Variants in CR1L observed in about 807,000 individuals in gnomAD.
CR1L encodes the protein complement C3b/C4b receptor 1 like.
CR1L carries 59 observed loss-of-function variants against 62.3 expected under a neutral mutation model. The observed-to-expected ratio is 0.95, with a 90% CI of 0.77 to 1.18. The LOEUF is 1.18. Among genes scored for constraint, CR1L ranks in the 50% most tolerant of loss-of-function variants. The probability of loss-of-function intolerance (pLI) is 0.00; values close to 1 mark genes in which losing one functional copy is unlikely to be tolerated. For synonymous variants in CR1L, 279 were observed against 248.7 expected, an observed-to-expected ratio of 1.12 and a Z score of -1.15; for missense variants, 700 against 702.8, an observed-to-expected ratio of 1.00 and a Z score of 0.04.
rs1391067647 is a variant in CR1L at position 207,694,466 on chromosome 1, G to C, written c.577G>C (p.Gly193Arg). Reference sequence around the variant, plus strand: ...CTACCACTGCAATCTTGGAAGCAGAGGGAAAAAGGTGTTTGAGCTTGTGGG... The same window carrying C: ...CTACCACTGCAATCTTGGAAGCAGACGGAAAAAGGTGTTTGAGCTTGTGGG... Reference protein sequence around the residue: ...VTYHCNLGSRGKKVFELVGEP... With the variant: ...VTYHCNLGSRRKKVFELVGEP... The change falls in exon 5 of 12, where the codon GGG (glycine) becomes CGG (arginine). Residue 193 changes from glycine to arginine, a missense_variant. By Grantham distance (125) the Gly-to-Arg change is moderately radical. Transcript: ENST00000508064. 3 of 1,613,902 alleles carry C rather than the reference G, an allele frequency of 1.9e-6. No individual in the cohort carries two copies. The highest frequency in any genetic ancestry group is 2.5e-6 in the Non-Finnish European group (3 of 1,179,814).
chr1:207,681,644 G>A (rs1306538284), intron 3 of CR1L, among the ~76,000 whole-genome samples: 2 of 152,010 alleles, frequency 1.3e-5, no homozygotes, highest in Non-Finnish European at 2.9e-5. Context: ...ATAGTATGGA[G>A]GAAAAAAAAT....
In CR1L at chr1:207,710,549, G is replaced by A. The variant is rs1222931091; in HGVS notation, c.1414+2286G>A. 4 of 1,609,500 alleles carry A rather than the reference G, an allele frequency of 2.5e-6. No homozygotes were observed. In the African/African-American group the frequency reaches 5.3e-5, roughly 22 times the overall value. On this transcript the variant is annotated intron_variant, in intron 10 of 11. Transcript: ENST00000508064. ...GCCCTCCATATACTGCACCAGCAAAGATGATCAAGTGGTCGTCTGGAGCGG... is the reference window on the plus strand; with the variant it reads ...GCCCTCCATATACTGCACCAGCAAAAATGATCAAGTGGTCGTCTGGAGCGG...
At chr1:207,713,897 C>T (rs963893083) in intron 10 of CR1L, among the ~76,000 whole-genome samples, 1 of 152,244 alleles carries the variant, frequency 6.6e-6, no homozygotes, top group African/African-American at 2.4e-5. Context: ...GCTGACTTGG[C>T]CTGCATCTCC....
intron 4 of CR1L, among the ~76,000 whole-genome samples, chr1:207,688,730 G>T (rs1321420239): frequency 6.6e-6 from 1 of 151,820 alleles, no homozygotes; most frequent in African/African-American, 2.4e-5. Context: ...TCCCATTTTT[G>T]AAGTCTTCTT....
chr1:207,674,039 C>T (rs1663652772), intron 1 of CR1L, among the ~76,000 whole-genome samples: 1 of 152,140 alleles, frequency 6.6e-6, no homozygotes, highest in Non-Finnish European at 1.5e-5. Flanking sequence ...TCTAATTATG[C>T]TGTGTGAAGG....
Position 207,677,422 on chromosome 1 carries a change from C to T in CR1L, c.131C>T (p.Ala44Val). The T allele has an allele frequency of 6.2e-7, 1 of 1,612,940 alleles. No individual in the cohort carries two copies. Among genetic ancestry groups the T allele is most frequent in the Non-Finnish European group, 8.5e-7 (1 of 1,179,546 alleles). The change falls in exon 2 of 12, where the codon GCC (alanine) becomes GTC (valine). Residue 44 changes from alanine (A) to valine (V), a missense_variant. By Grantham distance (64) the Ala-to-Val change is moderately conservative. Transcript: ENST00000508064. ...AATGTCCCGGAATGGCTTCCATTTGCCAGGCCTACCAACCTAACTGATGAC... is the reference window on the plus strand; with the variant it reads ...AATGTCCCGGAATGGCTTCCATTTGTCAGGCCTACCAACCTAACTGATGAC... ...QCNVPEWLPF[A>V]RPTNLTDDFE...
rs773831087 is a variant in CR1L, at chr1:207,697,673, T to C, written c.1033T>C (p.Cys345Arg). ...QGDWSPAAPR[C>R]EVKSCDDFLG... ...AGACTGGAGCCCTGCAGCCCCCAGA[T>C]GTGAAGGTGACTAGACTCTTATCTG... The change falls in exon 6 of 12, where the codon TGT (cysteine) becomes CGT (arginine). Residue 345 changes from cysteine to arginine, a missense_variant. Coordinates refer to ENST00000508064, the MANE Select transcript of CR1L (RefSeq NM_175710.2). The C allele has an allele frequency of 2.5e-6, 4 of 1,614,020 alleles. No homozygotes were observed. Among genetic ancestry groups the C allele is most frequent in the Non-Finnish European group, 3.4e-6 (4 of 1,179,888 alleles).
intron 1 of CR1L, among the ~76,000 whole-genome samples, chr1:207,659,343 C>T (rs1663370443): frequency 6.6e-6 from 1 of 152,218 alleles, no homozygotes; most frequent in African/African-American, 2.4e-5. Context: ...GGGCTCTCCT[C>T]AAAGGCTTTC....
chr1:207,720,420 G>A (rs1419072068), intron 11 of CR1L, among the ~76,000 whole-genome samples: 1 of 152,216 alleles, frequency 6.6e-6, no homozygotes, highest in African/African-American at 2.4e-5. Flanking sequence ...AATGGAAGAT[G>A]AGGAACTAAC....
intron 8 of CR1L, among the ~76,000 whole-genome samples, chr1:207,699,641 T>G (rs931306937): frequency 9.2e-5 from 14 of 152,194 alleles, no homozygotes; most frequent in African/African-American, 3.4e-4. Context: ...CCCTCTCTCC[T>G]TCCTTCTTTT....
intron 11 of CR1L, among the ~76,000 whole-genome samples, chr1:207,720,230 G>T (rs947593877): frequency 1.3e-5 from 2 of 152,174 alleles, no homozygotes; most frequent in Admixed American, 1.3e-4. Flanking sequence ...TTGCCTTCTT[G>T]TTCCTAGTCT....
intron 1 of CR1L, among the ~76,000 whole-genome samples, chr1:207,660,496 T>G (rs1305563891): frequency 1.3e-5 from 2 of 152,228 alleles, no homozygotes; most frequent in Non-Finnish European, 2.9e-5. Context: ...TGATATCCCC[T>G]TTATCATTTT....
Position 207,645,246 on chromosome 1 carries a change from G to C in CR1L, c.13G>C (p.Val5Leu), listed in dbSNP as rs1663098335. MAPP[V>L]RLERPFPSRR... ...TCCCGCGCCGCTCATGGCGCCTCCCGTCCGTCTCGAGCGTCCCTTTCCTTC... is the reference window on the plus strand; with the variant it reads ...TCCCGCGCCGCTCATGGCGCCTCCCCTCCGTCTCGAGCGTCCCTTTCCTTC... The change falls in exon 1 of 12, where the codon GTC (valine) becomes CTC (leucine). Residue 5 changes from valine to leucine, a missense_variant. By Grantham distance (32) the Val-to-Leu change is conservative. Transcript: ENST00000508064. 6.2e-7 allele frequency: 1 copy of C among 1,613,294 alleles called. No individual in the cohort carries two copies. Among genetic ancestry groups the C allele is most frequent in the Non-Finnish European group, 8.5e-7 (1 of 1,179,992 alleles).
chr1:207,703,822 A>C (rs189245477), intron 9 of CR1L, among the ~76,000 whole-genome samples: 6 of 152,234 alleles, frequency 3.9e-5, no homozygotes, highest in African/African-American at 1.2e-4. Flanking sequence ...AGCATGGCAG[A>C]ATGTGCCTGT....
At chr1:207,705,278 A>T (rs1215266436) in intron 9 of CR1L, among the ~76,000 whole-genome samples, 1 of 152,226 alleles carries the variant, frequency 6.6e-6, no homozygotes, top group Admixed American at 6.5e-5. Context: ...ATCTGCAAAG[A>T]TTGTATTTCC....
At chr1:207,690,658 A>C (rs1217589744) in intron 4 of CR1L, among the ~76,000 whole-genome samples, 1 of 152,238 alleles carries the variant, frequency 6.6e-6, no homozygotes, top group African/African-American at 2.4e-5. Context: ...TGGTGGCTTC[A>C]AAGAAGAGAA....
At position 207,706,011 on chromosome 1, in the gene CR1L, A is replaced by ATG. The variant is rs1289819187; in HGVS notation, c.1329-2165_1329-2164dup. On this transcript the variant is annotated intron_variant, in intron 9 of 11. Transcript: ENST00000508064. Reference sequence around the variant, plus strand: ...ATGTGTCATATATATGTGTGTGTGTATGTATATATATATATATATATATAT... The same window carrying ATG: ...ATGTGTCATATATATGTGTGTGTGTATGTGTATATATATATATATATATATAT... 5.1e-4 allele frequency among the ~76,000 whole-genome samples: 30 copies of ATG among 58,808 alleles called. No individual in the cohort carries two copies. In the South Asian group the frequency reaches 8.9e-3, roughly 18 times the overall value. The allele number at this position is 58,808 out of a possible 152,430, so 38.6% of individuals were successfully genotyped here.
chr1:207,689,107 G>A (rs192926302), intron 4 of CR1L, among the ~76,000 whole-genome samples: 69 of 152,192 alleles, frequency 4.5e-4, no homozygotes, highest in Non-Finnish European at 8.4e-4. Flanking sequence ...CATGATGTAT[G>A]CTGTAGATTT....
At chr1:207,713,878 A>T (rs1017747801) in intron 10 of CR1L, among the ~76,000 whole-genome samples, 4 of 152,056 alleles carry the variant, frequency 2.6e-5, no homozygotes, top group African/African-American at 9.7e-5. Context: ...TCAGGCCTGC[A>T]TCTCCAAGGC....
Sources: allele counts gnomAD v4.1 joint callset (sites outside exome capture counted in the v4.1 genomes callset), GRCh38; gene constraint gnomAD v4.1.1; transcripts MANE v1.5; gene names NCBI Gene and HGNC (gene_info 2026-07-23, HGNC 2026-07-21).